Variants in MAPKAP1 observed in about 807,000 individuals in gnomAD.
MAPKAP1 encodes the protein MAPK associated protein 1.
In MAPKAP1, 20 loss-of-function variants were observed where a neutral mutation model predicts 65.7. The observed-to-expected ratio is 0.30, with a 90% CI of 0.21 to 0.44. The LOEUF (loss-of-function observed/expected upper bound fraction) is 0.44. MAPKAP1 is among the 20% of genes least tolerant of loss of function. MAPKAP1 has a pLI of 1.00. For missense variants in MAPKAP1, 423 were observed against 648.0 expected, an observed-to-expected ratio of 0.65 and a Z score of 3.77; for synonymous variants, 222 against 244.3, an observed-to-expected ratio of 0.91 and a Z score of 0.85.
At chr9:125,526,149 C>T (rs10120000) in intron 7 of MAPKAP1, among the ~76,000 whole-genome samples, 42,549 of 152,128 alleles carry the variant, frequency 0.28, 6,825 homozygotes, top group Non-Finnish European at 0.36. Flanking sequence ...GGTCTCATCA[C>T]AGGGTTTACA....
intron 1 of MAPKAP1, among the ~76,000 whole-genome samples, chr9:125,678,058 T>C (rs958303325): frequency 2.6e-5 from 4 of 151,876 alleles, no homozygotes; most frequent in Non-Finnish European, 2.9e-5. Flanking sequence ...GCTTGGACTA[T>C]AGGCTCACAC....
intron 1 of MAPKAP1, among the ~76,000 whole-genome samples, chr9:125,685,165 C>T (rs1326645798): frequency 6.6e-6 from 1 of 152,192 alleles, no homozygotes; most frequent in Non-Finnish European, 1.5e-5. Context: ...CAAAGTCCTG[C>T]CCTCATGGCA....
chr9:125,679,503 A>T, intron 1 of MAPKAP1, among the ~76,000 whole-genome samples: 1 of 152,206 alleles, frequency 6.6e-6, no homozygotes, highest in Admixed American at 6.5e-5. Context: ...AAAAAATAAA[A>T]GTCACAAAAT....
chr9:125,581,446 C>G (rs1397729862), intron 5 of MAPKAP1, among the ~76,000 whole-genome samples: 1 of 152,186 alleles, frequency 6.6e-6, no homozygotes, highest in Non-Finnish European at 1.5e-5. Flanking sequence ...TGTTGCTGAG[C>G]ATCTTTTCAT....
intron 4 of MAPKAP1, among the ~76,000 whole-genome samples, chr9:125,599,341 C>G (rs774314863): frequency 6.6e-6 from 1 of 152,150 alleles, no homozygotes; most frequent in Non-Finnish European, 1.5e-5. Context: ...GTTTTGCCAG[C>G]TAAAATGTGT....
intron 8 of MAPKAP1, among the ~76,000 whole-genome samples, chr9:125,502,253 C>T (rs899978909): frequency 6.6e-5 from 10 of 152,054 alleles, no homozygotes; most frequent in African/African-American, 2.4e-4. Context: ...AGGCACTTAC[C>T]ACCATGCCTG....
chr9:125,520,172 A>G (rs1829580452), intron 7 of MAPKAP1, among the ~76,000 whole-genome samples: 1 of 152,234 alleles, frequency 6.6e-6, no homozygotes, highest in South Asian at 2.1e-4. Flanking sequence ...AAAAATGGGC[A>G]TCTATATCTT....
At chr9:125,456,423 G>A (rs1424651356) in intron 10 of MAPKAP1, among the ~76,000 whole-genome samples, 2 of 152,140 alleles carry the variant, frequency 1.3e-5, no homozygotes, top group Non-Finnish European at 2.9e-5. Context: ...CTGTTGTTCT[G>A]TCATAGAGTT....
chr9:125,680,083 G>C (rs952432439), intron 1 of MAPKAP1, among the ~76,000 whole-genome samples: 1 of 150,128 alleles, frequency 6.7e-6, no homozygotes, highest in African/African-American at 2.5e-5. Flanking sequence ...CAGCAGATGC[G>C]AGATTTTTTT....
chr9:125,654,077 T>C (rs1176510391), intron 4 of MAPKAP1, among the ~76,000 whole-genome samples: 1 of 152,204 alleles, frequency 6.6e-6, no homozygotes, highest in African/African-American at 2.4e-5. Context: ...TAACCTAATC[T>C]GAAACGGGTG....
chr9:125,675,169 C>T (rs1834609461), intron 1 of MAPKAP1, among the ~76,000 whole-genome samples: 1 of 152,150 alleles, frequency 6.6e-6, no homozygotes, highest in African/African-American at 2.4e-5. Flanking sequence ...AGGAAGGCAG[C>T]TAGTCACCAG....
chr9:125,500,365 T>C (rs1005794310), intron 8 of MAPKAP1, among the ~76,000 whole-genome samples: 2 of 151,718 alleles, frequency 1.3e-5, no homozygotes, highest in African/African-American at 4.8e-5. Context: ...TTTTTTTTTT[T>C]TGTATTTTTA....
At chr9:125,551,288 T>C (rs1343817384) in intron 6 of MAPKAP1, among the ~76,000 whole-genome samples, 1 of 152,168 alleles carries the variant, frequency 6.6e-6, no homozygotes, top group Admixed American at 6.5e-5. Context: ...TGGGGTATAC[T>C]GTGGATTTAT....
intron 9 of MAPKAP1, among the ~76,000 whole-genome samples, chr9:125,475,012 A>G (rs183189367): frequency 2.6e-5 from 4 of 152,352 alleles, no homozygotes; most frequent in Admixed American, 6.5e-5. Flanking sequence ...CAGAGCAGTC[A>G]GGGAAGTCTT....
chr9:125,633,788 T>C (rs1833352654), intron 4 of MAPKAP1, among the ~76,000 whole-genome samples: 1 of 152,224 alleles, frequency 6.6e-6, no homozygotes, highest in African/African-American at 2.4e-5. Context: ...GTTTCTCCCC[T>C]ACAAATAGAA....
At chr9:125,563,821 AT>A (rs1830967818) in intron 5 of MAPKAP1, among the ~76,000 whole-genome samples, 1 of 152,086 alleles carries the variant, frequency 6.6e-6, no homozygotes, top group Non-Finnish European at 1.5e-5. Flanking sequence ...GTTTCAAGCG[AT>A]TCTCCTGCCT....
At chr9:125,609,295 T>C (rs1313420939) in intron 4 of MAPKAP1, among the ~76,000 whole-genome samples, 1 of 152,154 alleles carries the variant, frequency 6.6e-6, no homozygotes, top group Non-Finnish European at 1.5e-5. Flanking sequence ...GCAGCTCCCT[T>C]GAACCACAGC....
chr9:125,571,959 TTAAG>T (rs1275879691), intron 5 of MAPKAP1, among the ~76,000 whole-genome samples: 7 of 152,224 alleles, frequency 4.6e-5, no homozygotes, highest in African/African-American at 1.7e-4. Flanking sequence ...CTTTTACCAA[TTAAG>T]TAAAGTATAC....
intron 5 of MAPKAP1, among the ~76,000 whole-genome samples, chr9:125,560,795 T>C (rs1459195286): frequency 6.6e-6 from 1 of 152,176 alleles, no homozygotes; most frequent in African/African-American, 2.4e-5. Flanking sequence ...TCCTCTTGAC[T>C]ACTTCTGCAC....
Sources: gnomAD v4.1 joint callset for allele counts (sites outside exome capture counted in the v4.1 genomes callset) on GRCh38, gnomAD v4.1.1 for gene constraint, MANE v1.5 for transcripts, NCBI Gene and HGNC (gene_info 2026-07-23, HGNC 2026-07-21) for gene names.